ADAM32: variants seen among roughly 807,000 people sequenced by gnomAD.
ADAM32 encodes the protein ADAM metallopeptidase domain 32.
In ADAM32, 89 loss-of-function variants were observed where a neutral mutation model predicts 114.9. The observed-to-expected ratio is 0.77, with a 90% CI of 0.65 to 0.92. ADAM32 has a LOEUF of 0.92. Ranked by LOEUF, ADAM32 falls within the 40% of genes least tolerant of loss-of-function variation. The pLI, the probability that ADAM32 is intolerant of heterozygous loss-of-function variation, is 0.00. For synonymous variants in ADAM32, 285 were observed against 307.5 expected (o/e 0.93, Z 0.77); for missense variants, 870 against 932.8 (o/e 0.93, Z 0.88).
intron 3 of ADAM32, among the ~76,000 whole-genome samples, chr8:39,143,040 T>C (rs181575041): frequency 7.9e-5 from 12 of 152,358 alleles, no homozygotes; most frequent in Non-Finnish European, 1.3e-4. Context: ...TCTCGTGCCA[T>C]GGTTTTCAGC....
intron 7 of ADAM32, 90 bp downstream of exon 7, chr8:39,161,055 A>G (rs370499409): frequency 1.9e-4 from 229 of 1,191,232 alleles, no homozygotes; most frequent in Middle Eastern, 3.8e-4. Context: ...AAAGATTCCA[A>G]TGTTCTTACT....
At chr8:39,248,481 G>A (rs1357602046) in intron 17 of ADAM32, among the ~76,000 whole-genome samples, 1 of 151,998 alleles carries the variant, frequency 6.6e-6, no homozygotes, top group African/African-American at 2.4e-5. Flanking sequence ...TTAATTTCAA[G>A]TTTCATTTGT....
chr8:39,182,220 T>C (rs1349070052), intron 10 of ADAM32, among the ~76,000 whole-genome samples: 3 of 152,094 alleles, frequency 2.0e-5, no homozygotes, highest in Non-Finnish European at 4.4e-5. Context: ...GGCTTTTTGA[T>C]AAAAGAAACT....
In ADAM32 at chr8:39,211,159, G is replaced by C. The variant is rs1464094747; in HGVS notation, c.1068G>C (p.Val356=). 1.3e-5 allele frequency: 20 copies of C among 1,588,918 alleles called. No homozygotes were observed. Among genetic ancestry groups the C allele is most frequent in the Non-Finnish European group, 1.7e-5 (20 of 1,169,870 alleles). ...MNPEVVQSNG[V]KTFSSCSLRS... ...TCATCTTTAGGCAATCCAATGGTGT[G>C]AAGACTTTTAGCAGTTGCAGTTTGA... The change falls in exon 12 of 25, where the codon GTG becomes GTC. Residue 356 remains valine (V), a synonymous_variant. Coordinates refer to ENST00000379907, the MANE Select transcript of ADAM32 (RefSeq NM_145004.7).
At chr8:39,267,666 G>A (rs1160550619) in intron 19 of ADAM32, among the ~76,000 whole-genome samples, 3 of 152,198 alleles carry the variant, frequency 2.0e-5, no homozygotes, top group African/African-American at 4.8e-5. Context: ...TGCCATGAGA[G>A]CACCCCAAAC....
intron 10 of ADAM32, among the ~76,000 whole-genome samples, chr8:39,181,399 G>A (rs1053379504): frequency 6.6e-6 from 1 of 152,100 alleles, no homozygotes; most frequent in Non-Finnish European, 1.5e-5. Context: ...CCAGAAGGAA[G>A]AAACTCTGAA....
At chr8:39,117,464 G>A (rs1229286463) in intron 1 of ADAM32, among the ~76,000 whole-genome samples, 1 of 148,134 alleles carries the variant, frequency 6.8e-6, no homozygotes, top group African/African-American at 2.5e-5. Context: ...TTTGAGTTTT[G>A]CTTGTAAATA....
At chr8:39,152,355 A>G (rs1803884172) in intron 6 of ADAM32, among the ~76,000 whole-genome samples, 1 of 152,232 alleles carries the variant, frequency 6.6e-6, no homozygotes, top group Non-Finnish European at 1.5e-5. Context: ...ATAACTATGC[A>G]TAGTTTATAC....
intron 2 of ADAM32, 32 bp from the exon 3 acceptor site, chr8:39,136,625 G>A (rs373613021): frequency 1.0e-5 from 14 of 1,380,670 alleles, no homozygotes; most frequent in African/African-American, 8.9e-5. Context: ...TATTAAATTT[G>A]TCTTCACTCT....
At chr8:39,265,528 C>G (rs1812297446) in intron 19 of ADAM32, among the ~76,000 whole-genome samples, 1 of 152,162 alleles carries the variant, frequency 6.6e-6, no homozygotes, top group South Asian at 2.1e-4. Flanking sequence ...AGATTTGATC[C>G]TGTCATCATG....
At chr8:39,203,139 C>A (rs1182403270) in intron 11 of ADAM32, among the ~76,000 whole-genome samples, 1 of 152,170 alleles carries the variant, frequency 6.6e-6, no homozygotes, top group Non-Finnish European at 1.5e-5. Flanking sequence ...CTGTAGATGT[C>A]TATTAGGTCT....
At chr8:39,130,008 G>A (rs866636071) in intron 2 of ADAM32, 1 of 318,418 alleles carries the variant, frequency 3.1e-6, no homozygotes, top group Admixed American at 3.9e-5. Context: ...AGGTTGGAGT[G>A]CAGTGGCACA....
intron 7 of ADAM32, among the ~76,000 whole-genome samples, chr8:39,162,557 C>G (rs1334173376): frequency 6.6e-6 from 1 of 152,086 alleles, no homozygotes; most frequent in Non-Finnish European, 1.5e-5. Context: ...AATGGTATTT[C>G]TAGTTCTTTT....
rs1346662607 is a variant in ADAM32, at chr8:39,118,078, C to A, written c.59-8C>A. 2.9e-6 allele frequency: 4 copies of A among 1,370,612 alleles called. No individual in the cohort carries two copies. The highest frequency in any genetic ancestry group is 1.5e-5 in the South Asian group (1 of 65,730). 84.9% of individuals were successfully genotyped at this position (1,370,612 alleles called of 1,614,324 possible). A position where few individuals can be genotyped will look rare whatever the true frequency, so the allele number is the denominator to read the frequency against. On this transcript the variant is annotated splice_polypyrimidine_tract_variant and splice_region_variant and intron_variant, in intron 1 of 24. Transcript: ENST00000379907. ...GTTACTAACTTTTTTTTTTTTTTAT[C>A]TCTTCAGGTTTTCAAAATTCACTTC...
intron 14 of ADAM32, 87 bp downstream of exon 14, chr8:39,223,325 ATGTGG>A: frequency 2.3e-6 from 2 of 875,930 alleles, no homozygotes; most frequent in Non-Finnish European, 3.2e-6. Context: ...TATATATAAA[ATGTGG>A]AATGTTTTAT....
At chr8:39,247,959 C>G (rs1385197666) in intron 17 of ADAM32, among the ~76,000 whole-genome samples, 1 of 151,868 alleles carries the variant, frequency 6.6e-6, no homozygotes, top group Non-Finnish European at 1.5e-5. Flanking sequence ...CTTTTCTCTA[C>G]TGTATTGCTT....
chr8:39,169,908 T>C lies in ADAM32; in HGVS notation c.834-8T>C. On this transcript the variant is annotated splice_polypyrimidine_tract_variant and splice_region_variant and intron_variant, in intron 9 of 24. Transcript: ENST00000379907. ...AAATCAATTATAAATGTAAATTTATTTATTTAGTTATATGGATTATCCTCG... is the reference window on the plus strand; with the variant it reads ...AAATCAATTATAAATGTAAATTTATCTATTTAGTTATATGGATTATCCTCG... 1 of 1,524,184 alleles carries C rather than the reference T, an allele frequency of 6.6e-7. No individual in the cohort carries two copies. Among genetic ancestry groups the C allele is most frequent in the Non-Finnish European group, 9.0e-7 (1 of 1,115,428 alleles). The allele number at this position is 1,524,184 out of a possible 1,614,324, so 94.4% of individuals were successfully genotyped here. A position where few individuals can be genotyped will look rare whatever the true frequency, so the allele number is the denominator to read the frequency against.
intron 21 of ADAM32, 29 bp downstream of exon 21, chr8:39,274,379 T>TA: frequency 6.3e-7 from 1 of 1,599,660 alleles, no homozygotes; most frequent in Non-Finnish European, 8.5e-7. Context: ...GTTTTTAAGA[T>TA]ACATGTTGAA....
chr8:39,166,458 T>C (rs568699953), intron 9 of ADAM32: 38 of 152,340 alleles, frequency 2.5e-4, no homozygotes, highest in African/African-American at 8.2e-4. Context: ...TTTGGGTTGG[T>C]TCCATGATTT....
Sources: gnomAD v4.1 joint callset for allele counts (sites outside exome capture counted in the v4.1 genomes callset) on GRCh38, gnomAD v4.1.1 for gene constraint, MANE v1.5 for transcripts, NCBI Gene and HGNC (gene_info 2026-07-23, HGNC 2026-07-21) for gene names.